TMEM44: variants seen among roughly 807,000 people sequenced by gnomAD.
TMEM44 encodes the protein transmembrane protein 44.
Under a neutral mutation model 47.8 loss-of-function variants are expected in TMEM44, and 43 were observed. The observed-to-expected ratio is 0.90, with a 90% CI of 0.70 to 1.16. The LOEUF (loss-of-function observed/expected upper bound fraction) is 1.16. Ranked by LOEUF, TMEM44 falls within the 50% of genes most tolerant of loss-of-function variation. The probability of loss-of-function intolerance (pLI) is 0.00; values close to 1 mark genes in which losing one functional copy is unlikely to be tolerated. For synonymous variants in TMEM44, 277 were observed against 238.8 expected, an observed-to-expected ratio of 1.16 and a Z score of -1.48; for missense variants, 568 against 555.2, an observed-to-expected ratio of 1.02 and a Z score of -0.23.
intron 9 of TMEM44, among the ~76,000 whole-genome samples, chr3:194,594,141 A>ATCTGTCTGTCTGTCTG (rs1560157644): frequency 1.4e-5 from 2 of 141,022 alleles, no homozygotes; most frequent in African/African-American, 5.0e-5. Context: ...CTATCTATCT[A>ATCTGTCTGTCTGTCTG]TCTATCTATC....
rs1715273006 is a variant in TMEM44 at position 194,611,024 on chromosome 3, G to T, written c.913-4C>A. On this transcript the variant is annotated splice_region_variant and splice_polypyrimidine_tract_variant and intron_variant, in intron 7 of 9. Coordinates refer to ENST00000347147, the MANE Select transcript of TMEM44 (RefSeq NM_001011655.3). This position sits in a 1 kb window ranked among gnomAD's most constrained non-coding sequence, Gnocchi z 4.2. ...TGAGAGGCACCCAATCCAAATTCTT[G>T]CAAGTAGAGGCAGGGAGACAGAAAG... 6.2e-7 allele frequency: 1 copy of T among 1,612,166 alleles called. No individual in the cohort carries two copies. Among genetic ancestry groups the T allele is most frequent in the Non-Finnish European group, 8.5e-7 (1 of 1,178,492 alleles).
Position 194,604,306 on chromosome 3 carries a change from G to T in TMEM44, c.1157C>A (p.Ser386Tyr). 6.3e-7 allele frequency: 1 copy of T among 1,581,832 alleles called. No homozygotes were observed. Among genetic ancestry groups the T allele is most frequent in the East Asian group, 2.3e-5 (1 of 42,618 alleles). The change falls in exon 9 of 10, where the codon TCC becomes TAC. Residue 386 changes from serine (S) to tyrosine (Y), a missense_variant. By Grantham distance (144) the Ser-to-Tyr change is moderately radical (BLOSUM62 -2). Transcript: ENST00000347147. ...GTGTACCTCCAGGTCGGAGTTGATG[G>T]AGGAGACCTCAGAGGAGCTGCCGGA... ...VSSGSSSEVS[S>Y]INSDLEWDPE...
chr3:194,619,848 T>C (rs952957428), intron 5 of TMEM44, among the ~76,000 whole-genome samples: 2 of 152,168 alleles, frequency 1.3e-5, no homozygotes, highest in African/African-American at 4.8e-5. Flanking sequence ...CCCAGGGCAA[T>C]CTCACTCTAT....
chr3:194,623,710 A>C lies in TMEM44; in HGVS notation c.359-15T>G. 1 of 1,613,750 alleles carries C rather than the reference A, an allele frequency of 6.2e-7. No homozygotes were observed. Among genetic ancestry groups the C allele is most frequent in the African/African-American group, 1.3e-5 (1 of 75,052 alleles). ...GGCTTCCCGATCTGCAACAGACACC[A>C]AAATCCCACATGGCTCCTGGAAGCC... On this transcript the variant is annotated splice_polypyrimidine_tract_variant and intron_variant, in intron 3 of 9. Coordinates refer to ENST00000347147, the MANE Select transcript of TMEM44 (RefSeq NM_001011655.3).
intron 5 of TMEM44, among the ~76,000 whole-genome samples, chr3:194,618,988 A>G (rs1446666276): frequency 6.6e-6 from 1 of 152,178 alleles, no homozygotes; most frequent in Non-Finnish European, 1.5e-5. Context: ...GCCCTTTCCC[A>G]TCGGCCCTTC....
chr3:194,590,427 C>T (rs998752842), intron 9 of TMEM44, among the ~76,000 whole-genome samples: 2 of 152,178 alleles, frequency 1.3e-5, no homozygotes, highest in South Asian at 2.1e-4. Context: ...AACTTGCGGT[C>T]GCAGACCTGG....
At chr3:194,592,293 T>G (rs995248802) in intron 9 of TMEM44, among the ~76,000 whole-genome samples, 1 of 152,040 alleles carries the variant, frequency 6.6e-6, no homozygotes, top group Non-Finnish European at 1.5e-5. Flanking sequence ...AGATCCATTT[T>G]CATATCAGAA....
rs1716794444 is a variant in TMEM44 at position 194,623,443 on chromosome 3, C to T, written c.525+86G>A. 2.6e-6 allele frequency: 4 copies of T among 1,513,102 alleles called. No individual in the cohort carries two copies. The East Asian group carries it at 7.3e-5, about 28-fold the overall frequency. The allele number at this position is 1,513,102 out of a possible 1,614,324, so 93.7% of individuals were successfully genotyped here. Reference sequence around the variant, plus strand: ...TCCAACAAAGGAAGGCTTAACCCCACTCCCCTAGCCCCGGCCTCATCCCAC... The same window carrying T: ...TCCAACAAAGGAAGGCTTAACCCCATTCCCCTAGCCCCGGCCTCATCCCAC... On this transcript the variant is annotated intron_variant, in intron 4 of 9. Transcript: ENST00000347147.
chr3:194,590,068 A>G (rs1003258865), intron 9 of TMEM44: 1 of 152,236 alleles, frequency 6.6e-6, no homozygotes, highest in Non-Finnish European at 1.5e-5. Flanking sequence ...CATGCTCTCC[A>G]AGAAAGATGC....
intron 9 of TMEM44, among the ~76,000 whole-genome samples, chr3:194,603,994 C>G (rs927955115): frequency 1.1e-4 from 17 of 152,038 alleles, no homozygotes; most frequent in Admixed American, 1.0e-3. Context: ...GCTGGGATAA[C>G]AGGTGGCCGC....
Position 194,604,375 on chromosome 3 carries a change from G to A in TMEM44, c.1088C>T (p.Pro363Leu), listed in dbSNP as rs1471948658. The A allele has an allele frequency of 6.4e-7, 1 of 1,556,626 alleles. No individual in the cohort carries two copies. The highest frequency in any genetic ancestry group is 2.4e-5 in the East Asian group (1 of 41,246). Residue 363 changes from proline to leucine, a missense_variant, in exon 9 of 10, where the codon CCC becomes CTC. Physicochemically the swap from Pro to Leu is moderately conservative, Grantham distance 98. Transcript: ENST00000347147. ...GACCTGAACGGGAGGGTACGACGGG[G>A]GGTCCTGCAGGGACGCATCTCCGGC... ...TSAGDASLQD[P>L]PSYPPVQVIR...
chr3:194,593,192 A>G, intron 9 of TMEM44: 2 of 1,025,654 alleles, frequency 1.9e-6, no homozygotes, highest in Non-Finnish European at 1.5e-6. Context: ...AGGCCCTTAG[A>G]TGGTTGGGGG....
At position 194,625,960 on chromosome 3, in the gene TMEM44, C is replaced by A; in HGVS notation, c.295G>T (p.Asp99Tyr). ...AGAATGAACATAAAGTTCACTAAGTCAATAGCTGCTAGGTAGGCACCAGTG... is the reference window on the plus strand; with the variant it reads ...AGAATGAACATAAAGTTCACTAAGTAAATAGCTGCTAGGTAGGCACCAGTG... ...VFTGAYLAAI[D>Y]LVNFMFILFP... is the part of the protein sequence containing the mutation. The change falls in exon 3 of 10, where the codon GAC becomes TAC. Residue 99 changes from aspartate (D) to tyrosine (Y), a missense_variant. Coordinates refer to ENST00000347147, the MANE Select transcript of TMEM44 (RefSeq NM_001011655.3). 2 of 1,613,756 alleles carry A rather than the reference C, an allele frequency of 1.2e-6. No individual in the cohort carries two copies. Among genetic ancestry groups the A allele is most frequent in the South Asian group, 2.2e-5 (2 of 91,024 alleles).
intron 5 of TMEM44, among the ~76,000 whole-genome samples, chr3:194,621,685 C>A (rs1275865622): frequency 6.6e-6 from 1 of 152,026 alleles, no homozygotes; most frequent in African/African-American, 2.4e-5. Flanking sequence ...TCCCCTGGAG[C>A]TGCTATTCAA....
chr3:194,608,420 T>A (rs1714981963), intron 8 of TMEM44, among the ~76,000 whole-genome samples: 1 of 152,218 alleles, frequency 6.6e-6, no homozygotes, highest in Non-Finnish European at 1.5e-5. Context: ...ACTGCAAGGT[T>A]ATAGGCACCA....
intron 8 of TMEM44, among the ~76,000 whole-genome samples, chr3:194,610,128 G>A (rs1335322709): frequency 5.9e-5 from 9 of 151,980 alleles, no homozygotes; most frequent in Admixed American, 2.6e-4. Context: ...TCTGGAGGCT[G>A]AGGTAGGAGA....
At chr3:194,617,060 G>A (rs1453337478) in intron 6 of TMEM44, 39 bp downstream of exon 6, 44 of 1,452,322 alleles carry the variant, frequency 3.0e-5, no homozygotes, top group Non-Finnish European at 3.8e-5. Context: ...GGCCTCCTCT[G>A]GCTGCAAGCA....
chr3:194,617,296 CG>C, intron 5 of TMEM44, 27 bp from the exon 6 acceptor site: 1 of 754,296 alleles, frequency 1.3e-6, no homozygotes, highest in African/African-American at 1.8e-5. Context: ...AGGGGCTGGG[CG>C]GGAGAAGCAG....
intron 9 of TMEM44, among the ~76,000 whole-genome samples, chr3:194,595,124 C>A (rs773955373): frequency 2.6e-5 from 4 of 152,170 alleles, no homozygotes; most frequent in Non-Finnish European, 4.4e-5. Context: ...AAGGCCTCTA[C>A]AAAGATTAAA....
Sources: allele counts gnomAD v4.1 joint callset (sites outside exome capture counted in the v4.1 genomes callset), GRCh38; gene constraint gnomAD v4.1.1; non-coding constraint Gnocchi (gnomAD v3.1); transcripts MANE v1.5; gene names NCBI Gene and HGNC (gene_info 2026-07-23, HGNC 2026-07-21).